RGS22: variants seen among roughly 807,000 people sequenced by gnomAD.
The protein encoded by RGS22 is regulator of G-protein signaling 22.
RGS22 carries 148 observed loss-of-function variants against 172.9 expected under a neutral mutation model. That is an observed-to-expected ratio of 0.86 (90% confidence interval 0.75 to 0.98). RGS22 has a LOEUF of 0.98. Ranked by LOEUF, RGS22 falls within the 50% of genes least tolerant of loss-of-function variation. RGS22 has a pLI of 0.00. For missense variants in RGS22, 1,347 were observed against 1,440.8 expected (o/e 0.93, Z 1.05); for synonymous variants, 458 against 480.2 (o/e 0.95, Z 0.60).
At chr8:100,103,833 AG>A (rs1813692742) in intron 2 of RGS22, among the ~76,000 whole-genome samples, 1 of 152,252 alleles carries the variant, frequency 6.6e-6, no homozygotes, top group Non-Finnish European at 1.5e-5. Flanking sequence ...TAGAGTCTTC[AG>A]GCTATCATGA....
intron 23 of RGS22, among the ~76,000 whole-genome samples, chr8:99,967,589 C>T (rs1810883939): frequency 6.6e-6 from 1 of 152,140 alleles, no homozygotes; most frequent in African/African-American, 2.4e-5. Context: ...GGCAGTTCTC[C>T]CCTCACAGTG....
intron 6 of RGS22, among the ~76,000 whole-genome samples, chr8:100,070,588 T>C (rs1196484852): frequency 6.6e-6 from 1 of 152,232 alleles, no homozygotes. Context: ...TCATTATAGC[T>C]ATGTTATTTC....
chr8:100,023,831 G>A (rs147565168), intron 14 of RGS22, among the ~76,000 whole-genome samples: 4 of 152,188 alleles, frequency 2.6e-5, no homozygotes, highest in Non-Finnish European at 5.9e-5. Flanking sequence ...TATCTGTTCT[G>A]ATTTATTACA....
intron 14 of RGS22, among the ~76,000 whole-genome samples, chr8:100,026,472 A>C (rs1408600655): frequency 1.3e-5 from 2 of 152,234 alleles, no homozygotes; most frequent in African/African-American, 4.8e-5. Flanking sequence ...ATACAAGAGT[A>C]AACAGGCAAC....
At chr8:99,964,546 C>A (rs1256921599) in intron 24 of RGS22, among the ~76,000 whole-genome samples, 2 of 149,380 alleles carry the variant, frequency 1.3e-5, no homozygotes, top group African/African-American at 2.5e-5. Flanking sequence ...TCTAACTGGA[C>A]ATTTCCCCCT....
intron 22 of RGS22, among the ~76,000 whole-genome samples, chr8:99,979,433 C>T (rs546980825): frequency 1.3e-5 from 2 of 152,236 alleles, no homozygotes; most frequent in East Asian, 3.9e-4. Context: ...TTACCCTGTA[C>T]CTCTCTAATC....
At chr8:100,090,090 G>A (rs892402121) in intron 3 of RGS22, among the ~76,000 whole-genome samples, 1 of 152,166 alleles carries the variant, frequency 6.6e-6, no homozygotes, top group Non-Finnish European at 1.5e-5. Flanking sequence ...TGCAGGAATG[G>A]AGGACGAGAT....
intron 20 of RGS22, 39 bp downstream of exon 20, chr8:99,996,422 CA>C: frequency 6.5e-7 from 1 of 1,546,368 alleles, no homozygotes; most frequent in East Asian, 2.2e-5. Flanking sequence ...TTTGACAGAG[CA>C]AAACTTACAA....
chr8:100,046,931 C>T (rs1820787239), intron 11 of RGS22, among the ~76,000 whole-genome samples: 2 of 151,940 alleles, frequency 1.3e-5, no homozygotes, highest in Non-Finnish European at 2.9e-5. Flanking sequence ...TCTTATCCCT[C>T]AGCCTTCCGA....
intron 14 of RGS22, among the ~76,000 whole-genome samples, chr8:100,028,840 T>C (rs923670882): frequency 2.0e-5 from 3 of 152,192 alleles, no homozygotes; most frequent in African/African-American, 7.2e-5. Flanking sequence ...TACCCTTTCA[T>C]AATCCTCTCC....
Position 100,039,020 on chromosome 8 carries a change from T to A in RGS22, c.2077A>T (p.Ser693Cys), listed in dbSNP as rs1487762292. 6.2e-7 allele frequency: 1 copy of A among 1,601,834 alleles called. No individual in the cohort carries two copies. Among genetic ancestry groups the A allele is most frequent in the Non-Finnish European group, 8.5e-7 (1 of 1,171,376 alleles). The change falls in exon 14 of 28, where the codon AGT becomes TGT. Residue 693 changes from serine to cysteine, a missense_variant. Coordinates refer to ENST00000360863, the MANE Select transcript of RGS22 (RefSeq NM_015668.5). Reference protein sequence around the residue: ...EHSGNKLWKNSVYFWFDLQAY... With the variant: ...EHSGNKLWKNCVYFWFDLQAY... ...TGCAGGTCAAACCAAAAGTACACACTGTTCTTCCACAACTACAGATGGAAA... is the reference window on the plus strand; with the variant it reads ...TGCAGGTCAAACCAAAAGTACACACAGTTCTTCCACAACTACAGATGGAAA...
At chr8:100,061,983 T>G (rs1048314414) in intron 9 of RGS22, among the ~76,000 whole-genome samples, 1 of 152,188 alleles carries the variant, frequency 6.6e-6, no homozygotes. Context: ...AAGAACAAGT[T>G]TATGTCCTTT....
Position 100,003,970 on chromosome 8 carries a change from C to G in RGS22, c.2583G>C (p.Leu861=), listed in dbSNP as rs377739675. ...FKFSDLLNNK[L]EFEHFRQFLE... ...GAAACTGACGGAAATGTTCAAACTC[C>G]AGTTTGTTGTTAAGCAGATCACTAA... The change falls in exon 17 of 28, where the codon CTG becomes CTC. Residue 861 remains leucine, a synonymous_variant. Transcript: ENST00000360863. 1.9e-6 allele frequency: 3 copies of G among 1,610,106 alleles called. No homozygotes were observed. The African/African-American group carries it at 4.0e-5, about 22-fold the overall frequency.
chr8:99,985,409 C>T (rs537273696), intron 21 of RGS22, among the ~76,000 whole-genome samples: 55 of 152,276 alleles, frequency 3.6e-4, no homozygotes, highest in Non-Finnish European at 6.5e-4. Flanking sequence ...CCCTCATGGC[C>T]CAATGCAAGT....
chr8:100,074,002 TAATA>T (rs971940258), intron 4 of RGS22, among the ~76,000 whole-genome samples: 8 of 152,218 alleles, frequency 5.3e-5, no homozygotes, highest in South Asian at 2.1e-4. Flanking sequence ...TAAAATAACT[TAATA>T]AATACTTATA....
chr8:100,077,246 T>C (rs2131880672), intron 4 of RGS22, among the ~76,000 whole-genome samples: 1 of 152,286 alleles, frequency 6.6e-6, no homozygotes, highest in South Asian at 2.1e-4. Context: ...TTTTTCTGTT[T>C]TCAATTTCAT....
At chr8:100,033,539 C>CAAAAAAAAAAA (rs71572052) in intron 14 of RGS22, among the ~76,000 whole-genome samples, 1 of 138,954 alleles carries the variant, frequency 7.2e-6, no homozygotes. Flanking sequence ...GCCTACCAAC[C>CAAAAAAAAAAA]AAAAAAAAAA....
rs936286354 is a variant in RGS22, at chr8:100,080,319, C to G, written c.154G>C (p.Gly52Arg). The change falls in exon 4 of 28, where the codon GGA becomes CGA. Residue 52 changes from glycine (G) to arginine (R), a missense_variant. By Grantham distance (125) the Gly-to-Arg change is moderately radical. Transcript: ENST00000360863. ...GCATCATTAGCTACTTCAAAAACTC[C>G]ATAATCTGCATTAAATCTAATTGCC... ...SEAIRFNADY[G>R]VFEVANDAPQ... 3.7e-6 allele frequency: 6 copies of G among 1,612,994 alleles called. No individual in the cohort carries two copies. Among genetic ancestry groups the G allele is most frequent in the South Asian group, 1.1e-5 (1 of 90,994 alleles).
chr8:99,993,071 G>C (rs1394853828), intron 20 of RGS22, among the ~76,000 whole-genome samples: 1 of 152,126 alleles, frequency 6.6e-6, no homozygotes, highest in Non-Finnish European at 1.5e-5. Context: ...AAACCAATGA[G>C]AACAAAGACA....
Sources: gnomAD v4.1 joint callset for allele counts (sites outside exome capture counted in the v4.1 genomes callset) on GRCh38, gnomAD v4.1.1 for gene constraint, MANE v1.5 for transcripts, NCBI Gene and HGNC (gene_info 2026-07-23, HGNC 2026-07-21) for gene names.